The following ITGBL1 variants were observed in gnomAD, a reference collection of about 807,000 sequenced individuals.
ITGBL1 encodes the protein integrin beta-like protein 1.
A neutral mutation model predicts 68.5 loss-of-function variants in ITGBL1; 51 were observed. The ratio of observed to expected loss-of-function variants is 0.74; its 90% CI spans 0.59 to 0.94. The LOEUF is 0.94. Among genes scored for constraint, ITGBL1 ranks in the 40% least tolerant of loss-of-function variants. The probability of loss-of-function intolerance (pLI) is 0.00; values close to 1 mark genes in which losing one functional copy is unlikely to be tolerated. For missense variants in ITGBL1, 649 were observed against 647.4 expected (o/e 1.00, Z -0.03); for synonymous variants, 209 against 227.3 (o/e 0.92, Z 0.72).
intron 7 of ITGBL1, among the ~76,000 whole-genome samples, chr13:101,677,876 G>C (rs911650069): frequency 1.3e-5 from 2 of 152,078 alleles, no homozygotes; most frequent in Non-Finnish European, 2.9e-5. Flanking sequence ...GCATATGTTT[G>C]ACACGGCTTC....
chr13:101,638,368 T>C (rs1331474398), intron 7 of ITGBL1, among the ~76,000 whole-genome samples: 1 of 152,140 alleles, frequency 6.6e-6, no homozygotes, highest in Non-Finnish European at 1.5e-5. Flanking sequence ...GATTTGAGTA[T>C]TAAATGAGCT....
intron 2 of ITGBL1, among the ~76,000 whole-genome samples, chr13:101,554,867 T>C (rs1002937268): frequency 6.6e-6 from 1 of 152,172 alleles, no homozygotes; most frequent in African/African-American, 2.4e-5. Flanking sequence ...AAATAGTCAT[T>C]AATTACATTC....
chr13:101,481,020 G>GTGTT (rs1461034001), intron 2 of ITGBL1, among the ~76,000 whole-genome samples: 1 of 150,658 alleles, frequency 6.6e-6, no homozygotes, highest in Non-Finnish European at 1.5e-5. Context: ...GTGTGTGTGT[G>GTGTT]TGTGTGTGTG....
intron 2 of ITGBL1, among the ~76,000 whole-genome samples, chr13:101,482,239 G>T (rs1217952050): frequency 6.6e-6 from 1 of 151,946 alleles, no homozygotes; most frequent in East Asian, 1.9e-4. Context: ...TTAGGTGTGG[G>T]TTAGCCATTT....
At chr13:101,525,478 G>C (rs1055046428) in intron 2 of ITGBL1, among the ~76,000 whole-genome samples, 6 of 58,670 alleles carry the variant, frequency 1.0e-4, no homozygotes, top group South Asian at 5.8e-4. Context: ...CCTTTTCTTG[G>C]CCCCCTTATT....
intron 2 of ITGBL1, among the ~76,000 whole-genome samples, chr13:101,563,721 G>A (rs919147908): frequency 2.0e-5 from 3 of 151,738 alleles, no homozygotes; most frequent in African/African-American, 4.8e-5. Context: ...AAACCCTTAA[G>A]GATAAAATAA....
chr13:101,648,812 G>A (rs771396570), intron 7 of ITGBL1, among the ~76,000 whole-genome samples: 1 of 152,050 alleles, frequency 6.6e-6, no homozygotes, highest in African/African-American at 2.4e-5. Flanking sequence ...TAGAAGCTAG[G>A]TTAGTGGTGG....
rs900900668 is a variant in ITGBL1, at chr13:101,504,616, C to T, written c.316+50516C>T. ...AATTTTAGGTAAATTAATTGAAACA[C>T]GGCCTGTATATATATTTTATGTGAA... On this transcript the variant is annotated intron_variant, in intron 2 of 10. Transcript: ENST00000376180. Among the ~76,000 whole-genome samples the T allele has an allele frequency of 2.0e-5, 3 of 152,150 alleles. No individual in the cohort carries two copies. In the East Asian group the frequency reaches 5.8e-4, roughly 29 times the overall value.
chr13:101,587,564 G>T (rs578041461), intron 6 of ITGBL1, among the ~76,000 whole-genome samples: 2 of 152,206 alleles, frequency 1.3e-5, no homozygotes, highest in East Asian at 3.9e-4. Flanking sequence ...TACCACTCAG[G>T]TCTATTTACC....
At chr13:101,601,787 T>C (rs1384663301) in intron 7 of ITGBL1, among the ~76,000 whole-genome samples, 1 of 152,206 alleles carries the variant, frequency 6.6e-6, no homozygotes, top group East Asian at 1.9e-4. Flanking sequence ...TTGATTGCAC[T>C]GTGGTCTGAG....
intron 7 of ITGBL1, among the ~76,000 whole-genome samples, chr13:101,665,526 T>C (rs1426667018): frequency 6.6e-6 from 1 of 152,198 alleles, no homozygotes; most frequent in African/African-American, 2.4e-5. Flanking sequence ...GCTTCTTTTA[T>C]ATTTTCTACC....
At chr13:101,504,811 G>A (rs2049001873) in intron 2 of ITGBL1, among the ~76,000 whole-genome samples, 1 of 152,180 alleles carries the variant, frequency 6.6e-6, no homozygotes, top group Non-Finnish European at 1.5e-5. Flanking sequence ...TGTCTTGCCT[G>A]TGTTTTAGGG....
chr13:101,556,226 A>G (rs1055461089), intron 2 of ITGBL1, among the ~76,000 whole-genome samples: 9 of 152,236 alleles, frequency 5.9e-5, no homozygotes, highest in African/African-American at 2.2e-4. Flanking sequence ...TCTAACACCC[A>G]GTACCTCAGG....
intron 7 of ITGBL1, among the ~76,000 whole-genome samples, chr13:101,690,270 G>A (rs1270606478): frequency 3.3e-5 from 5 of 152,074 alleles, no homozygotes; most frequent in African/African-American, 7.2e-5. Context: ...TGAAAACAAC[G>A]GAATGTTGAA....
intron 2 of ITGBL1, among the ~76,000 whole-genome samples, chr13:101,468,126 A>T (rs541003280): frequency 5.0e-4 from 76 of 152,322 alleles, no homozygotes; most frequent in Non-Finnish European, 5.7e-4. Flanking sequence ...TTGGCCATTT[A>T]AGCAGTTTCC....
At chr13:101,679,724 A>G (rs927510489) in intron 7 of ITGBL1, among the ~76,000 whole-genome samples, 5 of 152,186 alleles carry the variant, frequency 3.3e-5, no homozygotes, top group Non-Finnish European at 7.3e-5. Flanking sequence ...TTGTTGTAGA[A>G]GCCATCTCAA....
chr13:101,643,875 A>C (rs1210541610), intron 7 of ITGBL1, among the ~76,000 whole-genome samples: 4 of 152,166 alleles, frequency 2.6e-5, no homozygotes, highest in African/African-American at 9.7e-5. Context: ...TGCAATGAGA[A>C]GTGCTACAAC....
intron 2 of ITGBL1, among the ~76,000 whole-genome samples, chr13:101,526,954 TATATA>T (rs2049391416): frequency 6.6e-6 from 1 of 152,054 alleles, no homozygotes; most frequent in African/African-American, 2.4e-5. Context: ...AATAATTTCT[TATATA>T]ATATCTAATT....
At chr13:101,581,224 T>C (rs181255692) in intron 5 of ITGBL1, among the ~76,000 whole-genome samples, 2 of 152,310 alleles carry the variant, frequency 1.3e-5, no homozygotes, top group East Asian at 3.9e-4. Flanking sequence ...AGTTTCATAG[T>C]GGACCCCTTT....
Sources: gnomAD v4.1 joint callset for allele counts (sites outside exome capture counted in the v4.1 genomes callset) on GRCh38, gnomAD v4.1.1 for gene constraint, MANE v1.5 for transcripts, NCBI Gene and HGNC (gene_info 2026-07-23, HGNC 2026-07-21) for gene names.